The following NCKAP5 variants were observed in gnomAD, a reference collection of about 807,000 sequenced individuals.
The protein encoded by NCKAP5 is nck-associated protein 5.
In NCKAP5, 92 loss-of-function variants were observed where a neutral mutation model predicts 167.0. The observed-to-expected ratio is 0.55, with a 90% CI of 0.47 to 0.66. The LOEUF is 0.66. Among genes scored for constraint, NCKAP5 ranks in the 30% least tolerant of loss-of-function variants. The probability of loss-of-function intolerance (pLI) is 0.00; values close to 1 mark genes in which losing one functional copy is unlikely to be tolerated. For synonymous variants in NCKAP5, 891 were observed against 877.4 expected, an observed-to-expected ratio of 1.02 and a Z score of -0.27; for missense variants, 2,378 against 2,315.0, an observed-to-expected ratio of 1.03 and a Z score of -0.56.
At chr2:133,062,337 G>A (rs1290344455) in intron 6 of NCKAP5, among the ~76,000 whole-genome samples, 1 of 152,156 alleles carries the variant, frequency 6.6e-6, no homozygotes, top group African/African-American at 2.4e-5. Flanking sequence ...TGTTAGATAA[G>A]AGATGAAGCA....
chr2:133,574,143 G>A, the NCKAP5 span, among the ~76,000 whole-genome samples: 4 of 40,758 alleles, frequency 9.8e-5, no homozygotes, highest in African/African-American at 2.3e-4. Context: ...GGAAGAGGAT[G>A]GGGACAGCCA....
chr2:133,095,945 C>G (rs2081332894), intron 6 of NCKAP5, among the ~76,000 whole-genome samples: 1 of 152,104 alleles, frequency 6.6e-6, no homozygotes. Context: ...ACGGTGGACA[C>G]ATGGCCTCAG....
In NCKAP5 at chr2:133,343,083, T is replaced by C. The variant is rs77935460; in HGVS notation, c.70-39973A>G. 1.7e-3 allele frequency among the ~76,000 whole-genome samples: 260 copies of C among 152,302 alleles called. 1 individual carries two copies. Among genetic ancestry groups the C allele is most frequent in the African/African-American group, 6.0e-3 (250 of 41,572 alleles). On this transcript the variant is annotated intron_variant, in intron 3 of 19. Coordinates refer to ENST00000409261, the MANE Select transcript of NCKAP5 (RefSeq NM_207363.3). The stretch of plus-strand genomic sequence containing the variant: ...CAGAGACACAAATCCTCCAAGGCAA[T>C]GCATCACAGATTGTGTGGTACACTG...
rs1171182526 is a variant in NCKAP5 at position 133,213,916 on chromosome 2, A to G, written c.144-137T>C. On this transcript the variant is annotated intron_variant, in intron 4 of 19. Coordinates refer to ENST00000409261, the MANE Select transcript of NCKAP5 (RefSeq NM_207363.3). ...GCTCACTTCCTCCTCTATACTTTCT[A>G]TAAATATTTAAACTGATTGGTCATG... The G allele has an allele frequency of 1.1e-5, 8 of 733,718 alleles. No homozygotes were observed. The East Asian group carries it at 2.2e-4, about 20-fold the overall frequency. The allele number at this position is 733,718 out of a possible 1,614,324, so 45.5% of individuals were successfully genotyped here. A position where few individuals can be genotyped will look rare whatever the true frequency, so the allele number is the denominator to read the frequency against.
At chr2:133,206,828 TG>T (rs976894370) in intron 5 of NCKAP5, among the ~76,000 whole-genome samples, 1 of 152,114 alleles carries the variant, frequency 6.6e-6, no homozygotes, top group African/African-American at 2.4e-5. Context: ...AATGCATTCC[TG>T]GGGGTAGGTC....
chr2:133,247,320 T>A (rs865838544), intron 4 of NCKAP5, among the ~76,000 whole-genome samples: 3 of 152,208 alleles, frequency 2.0e-5, no homozygotes, highest in African/African-American at 7.2e-5. Flanking sequence ...GACGTTGTTA[T>A]AAAAACTGTG....
At chr2:133,407,822 T>C (rs1198719250) in intron 3 of NCKAP5, among the ~76,000 whole-genome samples, 1 of 152,148 alleles carries the variant, frequency 6.6e-6, no homozygotes, top group Non-Finnish European at 1.5e-5. Context: ...ATCTTGTAAA[T>C]ATTTACGAGT....
At position 133,386,995 on chromosome 2, in the gene NCKAP5, A is replaced by G. The variant is rs554876879; in HGVS notation, c.70-83885T>C. 5.9e-5 allele frequency among the ~76,000 whole-genome samples: 9 copies of G among 152,274 alleles called. No homozygotes were observed. The East Asian group carries it at 1.5e-3, about 26-fold the overall frequency. On this transcript the variant is annotated intron_variant, in intron 3 of 19. Coordinates refer to ENST00000409261, the MANE Select transcript of NCKAP5 (RefSeq NM_207363.3). Reference sequence around the variant, plus strand: ...AGCACACTGATGGGTCTTGACTCTTATCCAATTTGCCAGTCTGTGTCTTTT... The same window carrying G: ...AGCACACTGATGGGTCTTGACTCTTGTCCAATTTGCCAGTCTGTGTCTTTT...
the NCKAP5 span, among the ~76,000 whole-genome samples, chr2:133,593,542 TA>T: frequency 6.6e-6 from 1 of 152,238 alleles, no homozygotes; most frequent in Admixed American, 6.5e-5. Flanking sequence ...AAGTCTGTAT[TA>T]TTTTTTATTC....
intron 1 of NCKAP5, among the ~76,000 whole-genome samples, chr2:133,566,277 A>G (rs371489140): frequency 1.3e-5 from 2 of 152,248 alleles, no homozygotes; most frequent in South Asian, 4.1e-4. Flanking sequence ...AGCTGTGGCC[A>G]TAAGAAGAAG....
Position 133,483,566 on chromosome 2 carries a change from C to T in NCKAP5, c.69+33892G>A, listed in dbSNP as rs74355083. Among the ~76,000 whole-genome samples, 246 of 151,102 alleles carry T rather than the reference C, an allele frequency of 1.6e-3. 3 individuals are homozygous for T. The highest frequency in any genetic ancestry group is 5.8e-3 in the African/African-American group (238 of 41,098). ...CAAAAGAAAAGATGCTCAGGATAAT[C>T]CAGAATTTTATTAAAGATTAATACG... On this transcript the variant is annotated intron_variant, in intron 3 of 19. Coordinates refer to ENST00000409261, the MANE Select transcript of NCKAP5 (RefSeq NM_207363.3).
Position 133,098,828 on chromosome 2 carries a change from T to C in NCKAP5, c.341+31150A>G, listed in dbSNP as rs779152216. Among the ~76,000 whole-genome samples, 9 of 152,208 alleles carry C rather than the reference T, an allele frequency of 5.9e-5. No individual in the cohort carries two copies. In the South Asian group the frequency reaches 1.2e-3, roughly 21 times the overall value. ...ACATTATTAGTTTTAGAGAAGTACA[T>C]GCTTAATTATCAAGGGAGTTTCTGC... On this transcript the variant is annotated intron_variant, in intron 6 of 19. Transcript: ENST00000409261.
intron 3 of NCKAP5, among the ~76,000 whole-genome samples, chr2:133,415,964 G>C (rs1689084029): frequency 6.6e-6 from 1 of 152,134 alleles, no homozygotes; most frequent in South Asian, 2.1e-4. Flanking sequence ...TAAACAACTT[G>C]TTTGGATTTT....
At chr2:133,353,516 T>C (rs529899830) in intron 3 of NCKAP5, among the ~76,000 whole-genome samples, 30 of 152,190 alleles carry the variant, frequency 2.0e-4, no homozygotes, top group Middle Eastern at 3.4e-3. Context: ...AAGAGGGTGG[T>C]TCCCAGCAAA....
chr2:133,315,056 T>C (rs568940941), intron 3 of NCKAP5, among the ~76,000 whole-genome samples: 1 of 152,232 alleles, frequency 6.6e-6, no homozygotes, highest in Non-Finnish European at 1.5e-5. Context: ...CATAAGCCCT[T>C]GTAGGGACTT....
chr2:133,285,327 T>C (rs1370373843), intron 4 of NCKAP5, among the ~76,000 whole-genome samples: 1 of 152,266 alleles, frequency 6.6e-6, no homozygotes, highest in Non-Finnish European at 1.5e-5. Context: ...CTTTACATAA[T>C]CATTTTTCAT....
chr2:133,568,742 G>A (rs758208112), upstream of NCKAP5, among the ~76,000 whole-genome samples: 9 of 152,142 alleles, frequency 5.9e-5, no homozygotes, highest in Non-Finnish European at 1.0e-4. Flanking sequence ...GAGACCTGGA[G>A]GAAAAGTTTG....
intron 11 of NCKAP5, among the ~76,000 whole-genome samples, chr2:132,818,561 G>A (rs1014688516): frequency 5.9e-5 from 9 of 152,094 alleles, no homozygotes; most frequent in African/African-American, 9.7e-5. Context: ...GGTGGCGTGC[G>A]CCTGTAGTCC....
intron 6 of NCKAP5, among the ~76,000 whole-genome samples, chr2:133,120,190 T>C (rs931411564): frequency 2.0e-5 from 3 of 152,212 alleles, no homozygotes; most frequent in Non-Finnish European, 2.9e-5. Context: ...CACAGTTTAA[T>C]GAAAACTACA....
Sources: gnomAD v4.1 joint callset for allele counts (sites outside exome capture counted in the v4.1 genomes callset) on GRCh38, gnomAD v4.1.1 for gene constraint, MANE v1.5 for transcripts, NCBI Gene and HGNC (gene_info 2026-07-23, HGNC 2026-07-21) for gene names.